The following TPH2 variants were observed in gnomAD, a reference collection of about 807,000 sequenced individuals.
The protein encoded by TPH2 is tryptophan hydroxylase 2.
A neutral mutation model predicts 59.1 loss-of-function variants in TPH2; 27 were observed. That is an observed-to-expected ratio of 0.46 (90% confidence interval 0.34 to 0.63). TPH2 has a LOEUF of 0.63. TPH2 is among the 30% of genes least tolerant of loss of function. TPH2 has a pLI of 0.01. For synonymous variants in TPH2, 220 were observed against 210.5 expected, an observed-to-expected ratio of 1.05 and a Z score of -0.39; for missense variants, 523 against 588.3, an observed-to-expected ratio of 0.89 and a Z score of 1.15.
At chr12:71,982,130 A>T (rs768023494) in intron 7 of TPH2, among the ~76,000 whole-genome samples, 2 of 149,278 alleles carry the variant, frequency 1.3e-5, no homozygotes, top group Admixed American at 6.7e-5. Flanking sequence ...CAGCCTCCTC[A>T]GTAGCTGGGG....
intron 7 of TPH2, among the ~76,000 whole-genome samples, chr12:71,981,199 G>A (rs1420939187): frequency 1.3e-5 from 2 of 152,198 alleles, no homozygotes; most frequent in African/African-American, 4.8e-5. Flanking sequence ...GTGCAAAGTT[G>A]TGGAGACACG....
chr12:71,947,570 G>A (rs1458680440), intron 4 of TPH2, among the ~76,000 whole-genome samples: 4 of 151,784 alleles, frequency 2.6e-5, no homozygotes, highest in Non-Finnish European at 5.9e-5. Context: ...ATACTAAAAA[G>A]ATTATTTGTT....
intron 8 of TPH2, among the ~76,000 whole-genome samples, chr12:71,998,657 C>A (rs1401268752): frequency 6.6e-6 from 1 of 152,094 alleles, no homozygotes; most frequent in African/African-American, 2.4e-5. Context: ...ATATTAAGAG[C>A]TCAGGTCTTA....
chr12:72,002,190 C>T (rs1371629509), intron 8 of TPH2, among the ~76,000 whole-genome samples: 1 of 152,024 alleles, frequency 6.6e-6, no homozygotes, highest in East Asian at 1.9e-4. Flanking sequence ...CATGATTTGT[C>T]AATCAAAAAT....
At chr12:71,974,917 T>C (rs1384268829) in intron 6 of TPH2, among the ~76,000 whole-genome samples, 4 of 152,210 alleles carry the variant, frequency 2.6e-5, no homozygotes, top group Non-Finnish European at 5.9e-5. Flanking sequence ...AAACTATCAT[T>C]GGCTCCCTCT....
Position 71,987,579 on chromosome 12 carries a change from T to C in TPH2, c.942-6860T>C, listed in dbSNP as rs550381890. 2.1e-4 allele frequency among the ~76,000 whole-genome samples: 32 copies of C among 152,356 alleles called. No homozygotes were observed. The South Asian group carries it at 6.4e-3, about 31-fold the overall frequency. The stretch of plus-strand genomic sequence containing the variant: ...TAATGTAAGAGATGGCTGGGTGCGG[T>C]GGCTCACGCCTGTAATCCTAGCACT... On this transcript the variant is annotated intron_variant, in intron 7 of 10. Coordinates refer to ENST00000333850, the MANE Select transcript of TPH2 (RefSeq NM_173353.4).
chr12:71,980,867 A>G (rs1167558697), intron 7 of TPH2, among the ~76,000 whole-genome samples: 1 of 152,228 alleles, frequency 6.6e-6, no homozygotes, highest in Non-Finnish European at 1.5e-5. Flanking sequence ...CTCAGCAAAC[A>G]TTTATGTGCA....
intron 5 of TPH2, among the ~76,000 whole-genome samples, chr12:71,959,046 C>T (rs961918582): frequency 7.2e-6 from 1 of 139,116 alleles, no homozygotes; most frequent in East Asian, 2.2e-4. Context: ...CTATTCTCAT[C>T]GAAGCAGAGA....
At chr12:71,959,841 C>T (rs1013266046) in intron 5 of TPH2, among the ~76,000 whole-genome samples, 2 of 152,130 alleles carry the variant, frequency 1.3e-5, no homozygotes, top group South Asian at 2.1e-4. Flanking sequence ...ATGTTTTCCT[C>T]ATCAATTTCA....
At position 71,943,516 on chromosome 12, in the gene TPH2, A is replaced by C. The variant is rs1871127393; in HGVS notation, c.256-778A>C. Reference sequence around the variant, plus strand: ...CCCTTATCTCTGAGATCCATCATAGAGTGATAGTTGCAGCAACACATCCTT... The same window carrying C: ...CCCTTATCTCTGAGATCCATCATAGCGTGATAGTTGCAGCAACACATCCTT... On this transcript the variant is annotated intron_variant, in intron 2 of 10. Coordinates refer to ENST00000333850, the MANE Select transcript of TPH2 (RefSeq NM_173353.4). Among the ~76,000 whole-genome samples the C allele has an allele frequency of 2.0e-5, 3 of 152,320 alleles. No homozygotes were observed. In the South Asian group the frequency reaches 6.2e-4, roughly 32 times the overall value.
chr12:71,961,016 T>C (rs922921867), intron 5 of TPH2, among the ~76,000 whole-genome samples: 3 of 152,198 alleles, frequency 2.0e-5, no homozygotes, highest in Admixed American at 6.5e-5. Context: ...ACAGATGACC[T>C]CTCATTTGAT....
At chr12:71,973,358 G>A (rs913158340) in intron 6 of TPH2, among the ~76,000 whole-genome samples, 2 of 152,152 alleles carry the variant, frequency 1.3e-5, no homozygotes, top group African/African-American at 2.4e-5. Flanking sequence ...CCAAGATGAC[G>A]ATGAGAGTGA....
At chr12:71,951,486 T>A (rs1380693200) in intron 5 of TPH2, among the ~76,000 whole-genome samples, 1 of 152,158 alleles carries the variant, frequency 6.6e-6, no homozygotes, top group African/African-American at 2.4e-5. Flanking sequence ...ACTACAGGTG[T>A]GTGCCACCAT....
intron 7 of TPH2, among the ~76,000 whole-genome samples, chr12:71,988,318 G>T (rs188405113): frequency 1.2e-3 from 178 of 152,270 alleles, no homozygotes; most frequent in African/African-American, 3.8e-3. Flanking sequence ...GGTCATACTT[G>T]CATTGCTATA....
intron 5 of TPH2, 40 bp downstream of exon 5, chr12:71,949,695 A>G (rs1871292019): frequency 2.0e-6 from 3 of 1,538,106 alleles, no homozygotes; most frequent in Non-Finnish European, 2.7e-6. Flanking sequence ...CTGGCTAGTT[A>G]GGAAAAACAC....
rs781612841 is a variant in TPH2, at chr12:71,982,015, ATT to A, written c.941+2944_941+2945del. Among the ~76,000 whole-genome samples, 18 of 60,474 alleles carry A rather than the reference ATT, an allele frequency of 3.0e-4. 1 individual carries two copies. The highest frequency in any genetic ancestry group is 4.9e-4 in the African/African-American group (8 of 16,384). The allele number at this position is 60,474 out of a possible 152,430, so 39.7% of individuals were successfully genotyped here. On this transcript the variant is annotated intron_variant, in intron 7 of 10. Coordinates refer to ENST00000333850, the MANE Select transcript of TPH2 (RefSeq NM_173353.4). ...TTTTTGTGGGTTTCATATCATTCGT[ATT>A]TTTTTTTTTTTTTTTAGACAGAGTC... is the stretch of plus-strand genomic sequence containing the variant.
At chr12:72,026,244 C>T (rs1259328425) in intron 9 of TPH2, among the ~76,000 whole-genome samples, 1 of 151,630 alleles carries the variant, frequency 6.6e-6, no homozygotes, top group Non-Finnish European at 1.5e-5. Flanking sequence ...TAGTTGCTGA[C>T]ATATTACATA....
intron 5 of TPH2, among the ~76,000 whole-genome samples, chr12:71,966,449 T>TA (rs1383536153): frequency 3.3e-5 from 5 of 152,146 alleles, no homozygotes; most frequent in African/African-American, 1.2e-4. Context: ...CTCTTCTTTG[T>TA]TTTCTCCAAC....
At chr12:72,022,966 CAT>C (rs921081565) in intron 9 of TPH2, among the ~76,000 whole-genome samples, 2 of 152,186 alleles carry the variant, frequency 1.3e-5, no homozygotes, top group African/African-American at 2.4e-5. Flanking sequence ...TGCATTAAAA[CAT>C]GTGTGGACAT....
Sources: allele counts gnomAD v4.1 joint callset (sites outside exome capture counted in the v4.1 genomes callset), GRCh38; gene constraint gnomAD v4.1.1; transcripts MANE v1.5; gene names NCBI Gene and HGNC (gene_info 2026-07-23, HGNC 2026-07-21).